Variants in EDA observed in about 807,000 individuals in gnomAD.
EDA encodes ectodysplasin A.
In EDA, 2 loss-of-function variants were observed where a neutral mutation model predicts 23.6. That is an observed-to-expected ratio of 0.08 (90% CI 0.03 to 0.27). The LOEUF (loss-of-function observed/expected upper bound fraction) is 0.27. Among genes scored for constraint, EDA ranks in the 10% least tolerant of loss-of-function variants. The pLI is 1.00. For missense variants in EDA, 229 were observed against 324.2 expected, an observed-to-expected ratio of 0.71 and a Z score of 2.26; for synonymous variants, 131 against 132.0, an observed-to-expected ratio of 0.99 and a Z score of 0.05.
At position 69,902,352 on chromosome X, in the gene EDA, T is replaced by C. The variant is rs189572918; in HGVS notation, c.397-54675T>C. Among the ~76,000 whole-genome samples the C allele has an allele frequency of 7.2e-5, 8 of 111,801 alleles. No individual in the cohort carries two copies. The East Asian group carries it at 2.3e-3, about 32-fold the overall frequency. On this transcript the variant is annotated intron_variant, in intron 1 of 7. Transcript: ENST00000374552. The stretch of plus-strand genomic sequence containing the variant: ...CAAAGCTCTCTGGAGCTTTTATACC[T>C]TCTCTCAGAAACACATAGTAACATT...
chrX:69,661,189 G>A (rs1933490667), intron 1 of EDA, among the ~76,000 whole-genome samples: 1 of 107,327 alleles, frequency 9.3e-6, no homozygotes, highest in South Asian at 4.2e-4. Context: ...TTTTTGATGG[G>A]GTTGTTTGAT....
At chrX:69,889,245 T>C (rs1177295015) in intron 1 of EDA, among the ~76,000 whole-genome samples, 1 of 106,867 alleles carries the variant, frequency 9.4e-6, no homozygotes, top group Non-Finnish European at 1.9e-5. Flanking sequence ...CCTCCCGGGC[T>C]CAAGCGATCT....
At chrX:69,785,039 A>G (rs933472204) in intron 1 of EDA, among the ~76,000 whole-genome samples, 6 of 107,985 alleles carry the variant, frequency 5.6e-5, no homozygotes, top group Admixed American at 4.0e-4. Flanking sequence ...TAGGTATTTT[A>G]TTCTCTTGGA....
intron 2 of EDA, among the ~76,000 whole-genome samples, chrX:69,968,505 G>A (rs192910200): frequency 9.0e-6 from 1 of 111,488 alleles, no homozygotes; most frequent in African/African-American, 3.3e-5. Context: ...GTGACAAGAG[G>A]CCAAAATAGC....
chrX:69,972,291 T>C (rs1602576700), intron 2 of EDA, among the ~76,000 whole-genome samples: 1 of 111,449 alleles, frequency 9.0e-6, no homozygotes, highest in East Asian at 2.8e-4. Context: ...TCACCATTTA[T>C]TGGCATAATA....
intron 1 of EDA, among the ~76,000 whole-genome samples, chrX:69,645,733 C>T (rs1932915016): frequency 1.9e-5 from 2 of 106,321 alleles, no homozygotes; most frequent in Non-Finnish European, 3.9e-5. Context: ...CCCATTAACT[C>T]GAACCTGATG....
At chrX:69,682,413 C>T (rs1268524147) in intron 1 of EDA, among the ~76,000 whole-genome samples, 2 of 112,407 alleles carry the variant, frequency 1.8e-5, no homozygotes, top group African/African-American at 6.5e-5. Flanking sequence ...GGCGCCCCTC[C>T]CCCAGCCTCG....
At chrX:69,824,537 T>C (rs1415918781) in intron 1 of EDA, among the ~76,000 whole-genome samples, 1 of 109,754 alleles carries the variant, frequency 9.1e-6, no homozygotes, top group African/African-American at 3.3e-5. Context: ...GTGCTTTTTG[T>C]ACATTGATTT....
rs1289377484 is a variant in EDA at position 69,804,361 on chromosome X, A to G, written c.397-152666A>G. Among the ~76,000 whole-genome samples, 3 of 111,247 alleles carry G rather than the reference A, an allele frequency of 2.7e-5. No individual in the cohort carries two copies. The East Asian group carries it at 8.5e-4, about 32-fold the overall frequency. On this transcript the variant is annotated intron_variant, in intron 1 of 7. Coordinates refer to ENST00000374552, the MANE Select transcript of EDA (RefSeq NM_001399.5). The stretch of plus-strand genomic sequence containing the variant: ...AGATAAGATTTCTGATTGTTTCTTA[A>G]CAATCTTCTCAAAAGATTGCAGAAA...
At chrX:69,868,857 A>G (rs754778857) in intron 1 of EDA, among the ~76,000 whole-genome samples, 1 of 112,309 alleles carries the variant, frequency 8.9e-6, no homozygotes, top group Non-Finnish European at 1.9e-5. Context: ...ATGAAACCAC[A>G]TCTGGTACAA....
intron 1 of EDA, among the ~76,000 whole-genome samples, chrX:69,630,231 C>T (rs776721035): frequency 1.8e-5 from 2 of 111,188 alleles, no homozygotes; most frequent in East Asian, 5.7e-4. Context: ...TTTGTGTTTG[C>T]GTATAAGTAT....
intron 1 of EDA, among the ~76,000 whole-genome samples, chrX:69,667,161 A>G (rs187393269): frequency 0.018 from 1,659 of 92,233 alleles, 11 homozygotes; most frequent in Non-Finnish European, 0.025. Flanking sequence ...TCTGTCGCCC[A>G]GGCTGGAGTG....
intron 1 of EDA, among the ~76,000 whole-genome samples, chrX:69,941,722 A>G (rs898041671): frequency 1.8e-5 from 2 of 110,937 alleles, no homozygotes; most frequent in Non-Finnish European, 3.8e-5. Flanking sequence ...TTGATTTTTT[A>G]TCCACTTAGC....
intron 1 of EDA, among the ~76,000 whole-genome samples, chrX:69,842,296 C>T (rs930330897): frequency 8.9e-6 from 1 of 112,058 alleles, no homozygotes; most frequent in African/African-American, 3.2e-5. Flanking sequence ...CCATCACCCC[C>T]ATATGGGACT....
At chrX:69,915,590 C>CAA (rs1569371995) in intron 1 of EDA, among the ~76,000 whole-genome samples, 1 of 36,362 alleles carries the variant, frequency 2.8e-5, no homozygotes, top group South Asian at 1.1e-3. Flanking sequence ...GCAACAAGAG[C>CAA]GAAAAAAAAA....
At chrX:69,669,177 G>T (rs1371872620) in intron 1 of EDA, among the ~76,000 whole-genome samples, 1 of 109,933 alleles carries the variant, frequency 9.1e-6, no homozygotes, top group African/African-American at 3.3e-5. Flanking sequence ...AGCTTAAGTG[G>T]GTACCCCATA....
rs528195525 is a variant in EDA, at chrX:69,764,532, C to T, written c.396+147828C>T. Among the ~76,000 whole-genome samples, 19 of 110,182 alleles carry T rather than the reference C, an allele frequency of 1.7e-4. No individual in the cohort carries two copies. The South Asian group carries it at 6.7e-3, about 39-fold the overall frequency. On this transcript the variant is annotated intron_variant, in intron 1 of 7. Coordinates refer to ENST00000374552, the MANE Select transcript of EDA (RefSeq NM_001399.5). ...TGCTGGGATTACAGGTGTGAGCCACCGCACCCTGCCCGTTTCTTATTCTTG... is the reference window on the plus strand; with the variant it reads ...TGCTGGGATTACAGGTGTGAGCCACTGCACCCTGCCCGTTTCTTATTCTTG...
chrX:69,758,237 CA>C (rs1415947355), intron 1 of EDA, among the ~76,000 whole-genome samples: 2 of 111,932 alleles, frequency 1.8e-5, no homozygotes, highest in Non-Finnish European at 3.8e-5. Context: ...AAACGTTAAG[CA>C]TTGTAATTCA....
chrX:69,774,429 C>A, intron 1 of EDA, among the ~76,000 whole-genome samples: 1 of 111,960 alleles, frequency 8.9e-6, no homozygotes, highest in Admixed American at 9.5e-5. Context: ...GTCTACACTG[C>A]AGCCTAGAAA....
Sources: gnomAD v4.1 joint callset for allele counts (sites outside exome capture counted in the v4.1 genomes callset) on GRCh38, gnomAD v4.1.1 for gene constraint, MANE v1.5 for transcripts, NCBI Gene and HGNC (gene_info 2026-07-23, HGNC 2026-07-21) for gene names.